ACOXL: variants seen among roughly 807,000 people sequenced by gnomAD.
ACOXL encodes acyl-CoA oxidase like.
In ACOXL, 70 loss-of-function variants were observed where a neutral mutation model predicts 71.9. That is an observed-to-expected ratio of 0.97 (90% CI 0.80 to 1.19). The LOEUF is 1.19. ACOXL is among the 50% of genes most tolerant of loss of function. The pLI is 0.00. For missense variants in ACOXL, 703 were observed against 736.3 expected, an observed-to-expected ratio of 0.95 and a Z score of 0.52; for synonymous variants, 253 against 281.6, an observed-to-expected ratio of 0.90 and a Z score of 1.02.
chr2:110,785,565 A>C (rs1412973834), intron 3 of ACOXL, among the ~76,000 whole-genome samples: 2 of 151,966 alleles, frequency 1.3e-5, no homozygotes, highest in Non-Finnish European at 2.9e-5. Flanking sequence ...GTTGTTCTCC[A>C]TCTCTATAGT....
intron 11 of ACOXL, among the ~76,000 whole-genome samples, chr2:110,926,100 A>G (rs2060259299): frequency 6.6e-6 from 1 of 152,098 alleles, no homozygotes; most frequent in Non-Finnish European, 1.5e-5. Context: ...GCAGTTTGTG[A>G]TGCCCCAAAA....
intron 8 of ACOXL, among the ~76,000 whole-genome samples, chr2:110,804,246 C>T (rs116049061): frequency 9.1e-4 from 139 of 152,156 alleles, no homozygotes; most frequent in African/African-American, 3.0e-3. Flanking sequence ...CTCAGCCTCC[C>T]GAAGTGCTAG....
At chr2:110,885,282 C>T (rs1697141973) in intron 10 of ACOXL, among the ~76,000 whole-genome samples, 1 of 152,012 alleles carries the variant, frequency 6.6e-6, no homozygotes, top group Admixed American at 6.6e-5. Flanking sequence ...GAGAACCAGG[C>T]CCTTAAAACA....
intron 17 of ACOXL, chr2:111,098,567 T>C (rs1166410782): frequency 1.3e-5 from 2 of 152,172 alleles, no homozygotes; most frequent in African/African-American, 2.4e-5. Context: ...ATGTATTGAA[T>C]CCTGGGACAG....
At chr2:110,756,154 T>G (rs572497895) in intron 1 of ACOXL, among the ~76,000 whole-genome samples, 2 of 151,982 alleles carry the variant, frequency 1.3e-5, no homozygotes, top group Admixed American at 1.3e-4. Context: ...TGAAGCAGAG[T>G]CTTGCTCTGT....
intron 12 of ACOXL, among the ~76,000 whole-genome samples, chr2:110,961,492 A>C (rs1315867106): frequency 6.6e-6 from 1 of 152,196 alleles, no homozygotes; most frequent in Admixed American, 6.5e-5. Flanking sequence ...TAAGTTTAAA[A>C]AGTGTCAGAA....
intron 16 of ACOXL, among the ~76,000 whole-genome samples, chr2:111,085,391 A>G (rs953620056): frequency 6.6e-6 from 1 of 152,234 alleles, no homozygotes; most frequent in African/African-American, 2.4e-5. Flanking sequence ...CTTGGACCAC[A>G]GAGCAATAAA....
At chr2:110,751,755 A>G (rs1678993028) in intron 1 of ACOXL, among the ~76,000 whole-genome samples, 1 of 152,202 alleles carries the variant, frequency 6.6e-6, no homozygotes, top group South Asian at 2.1e-4. Flanking sequence ...TCCTGGAGGT[A>G]ACCACGGTTG....
intron 15 of ACOXL, among the ~76,000 whole-genome samples, chr2:111,035,733 TG>T (rs1471160004): frequency 6.6e-6 from 1 of 152,276 alleles, no homozygotes; most frequent in Non-Finnish European, 1.5e-5. Context: ...AGGATGTATT[TG>T]TTTTGAAACA....
chr2:110,819,256 A>G (rs1328898485), intron 9 of ACOXL, among the ~76,000 whole-genome samples: 1 of 152,338 alleles, frequency 6.6e-6, no homozygotes. Context: ...CTTGCTAAAG[A>G]TTCTGCAGTT....
At chr2:110,794,533 C>T (rs184124720) in intron 5 of ACOXL, among the ~76,000 whole-genome samples, 25 of 152,312 alleles carry the variant, frequency 1.6e-4, no homozygotes, top group African/African-American at 5.5e-4. Context: ...CTGGAGGAGA[C>T]GCCTTTGTTG....
intron 10 of ACOXL, among the ~76,000 whole-genome samples, chr2:110,873,952 C>A (rs1369872872): frequency 6.6e-6 from 1 of 152,206 alleles, no homozygotes; most frequent in Non-Finnish European, 1.5e-5. Context: ...TCTTGGCATC[C>A]ACCGTGTGGC....
intron 9 of ACOXL, among the ~76,000 whole-genome samples, chr2:110,840,840 T>C (rs1379488186): frequency 6.6e-6 from 1 of 152,226 alleles, no homozygotes; most frequent in African/African-American, 2.4e-5. Context: ...CGCCTTGAGC[T>C]TATGGGATCA....
intron 14 of ACOXL, among the ~76,000 whole-genome samples, chr2:111,007,876 A>T (rs1350022035): frequency 1.3e-5 from 2 of 152,226 alleles, no homozygotes; most frequent in African/African-American, 4.8e-5. Context: ...TCCAATTCAA[A>T]CAACAGGGCT....
intron 10 of ACOXL, among the ~76,000 whole-genome samples, chr2:110,904,502 A>G (rs2059365666): frequency 6.6e-6 from 1 of 152,140 alleles, no homozygotes. Context: ...CAGAAGACTG[A>G]GCGGGCCTTC....
At chr2:110,792,150 T>C (rs1290678750) in intron 3 of ACOXL, among the ~76,000 whole-genome samples, 1 of 152,200 alleles carries the variant, frequency 6.6e-6, no homozygotes, top group African/African-American at 2.4e-5. Flanking sequence ...CTGAGAGCCA[T>C]TGTCTGGCCA....
rs1370733564 is a variant in ACOXL at position 110,799,003 on chromosome 2, G to A, written c.461-11G>A. On this transcript the variant is annotated splice_polypyrimidine_tract_variant and intron_variant, in intron 6 of 17. Transcript: ENST00000439055. ...AGGAGAGCTTAATAATGATCTCGAT[G>A]CCTTCCTTAGGGCCCCACTGTTTCA... is the stretch of plus-strand genomic sequence containing the variant. 2 of 1,613,434 alleles carry A rather than the reference G, an allele frequency of 1.2e-6. No individual in the cohort carries two copies. Among genetic ancestry groups the A allele is most frequent in the African/African-American group, 2.7e-5 (2 of 74,982 alleles).
At chr2:110,746,776 C>T (rs141539538) in intron 1 of ACOXL, among the ~76,000 whole-genome samples, 246 of 152,226 alleles carry the variant, frequency 1.6e-3, no homozygotes, top group Admixed American at 3.3e-3. Context: ...GCTTAAATAG[C>T]GGATGCCTGC....
At chr2:110,827,211 G>A (rs1411625726) in intron 9 of ACOXL, among the ~76,000 whole-genome samples, 1 of 152,152 alleles carries the variant, frequency 6.6e-6, no homozygotes, top group African/African-American at 2.4e-5. Flanking sequence ...TGGTGGGAAA[G>A]GATCTATACA....
Sources: allele counts gnomAD v4.1 joint callset (sites outside exome capture counted in the v4.1 genomes callset), GRCh38; gene constraint gnomAD v4.1.1; transcripts MANE v1.5; gene names NCBI Gene and HGNC (gene_info 2026-07-23, HGNC 2026-07-21).